PYGL: variants seen among roughly 807,000 people sequenced by gnomAD.
The protein encoded by PYGL is glycogen phosphorylase, liver form.
A neutral mutation model predicts 100.1 loss-of-function variants in PYGL; 90 were observed. The ratio of observed to expected loss-of-function variants is 0.90; its 90% CI spans 0.76 to 1.07. PYGL has a LOEUF of 1.07. PYGL is among the 50% of genes least tolerant of loss of function. The pLI is 0.00. For synonymous variants in PYGL, 373 were observed against 393.0 expected, an observed-to-expected ratio of 0.95 and a Z score of 0.60; for missense variants, 1,016 against 1,057.6, an observed-to-expected ratio of 0.96 and a Z score of 0.55.
chr14:50,939,145 T>C (rs997030209), intron 1 of PYGL, among the ~76,000 whole-genome samples: 3 of 152,172 alleles, frequency 2.0e-5, no homozygotes, highest in African/African-American at 7.2e-5. Context: ...GTTCAAGCAA[T>C]TCTCCTTCAG....
chr14:50,915,081 T>C, intron 11 of PYGL: 2 of 620,824 alleles, frequency 3.2e-6, no homozygotes, highest in South Asian at 2.0e-5. Flanking sequence ...TTCAGTAGAA[T>C]AGTTTTTGGT....
At chr14:50,924,125 A>C in intron 4 of PYGL, 25 bp from the exon 5 acceptor site, 1 of 1,610,818 alleles carries the variant, frequency 6.2e-7, no homozygotes, top group East Asian at 2.2e-5. Context: ...AGTATTGCTT[A>C]GAATTTATTT....
chr14:50,935,602 A>G (rs1021346377), intron 2 of PYGL, among the ~76,000 whole-genome samples: 4 of 152,200 alleles, frequency 2.6e-5, no homozygotes, highest in Non-Finnish European at 4.4e-5. Context: ...GTTAGCTATT[A>G]TCATTAAAAA....
At chr14:50,933,324 C>T (rs1414785429) in intron 3 of PYGL, among the ~76,000 whole-genome samples, 1 of 152,114 alleles carries the variant, frequency 6.6e-6, no homozygotes, top group East Asian at 1.9e-4. Flanking sequence ...GCAAGTATCC[C>T]ACAGGCATTG....
rs1203624502 is a variant in PYGL, at chr14:50,942,188, G to A, written c.243+1973C>T. On this transcript the variant is annotated intron_variant, in intron 1 of 19. Coordinates refer to ENST00000216392, the MANE Select transcript of PYGL (RefSeq NM_002863.5). ...GAGTAGATATTTGATGAACACGTGT[G>A]GAATGAAACATGTTCATTGTTGTAT... 3.2e-5 allele frequency among the ~76,000 whole-genome samples: 3 copies of A among 94,378 alleles called. No individual in the cohort carries two copies. The East Asian group carries it at 2.0e-3, about 64-fold the overall frequency. The allele number at this position is 94,378 out of a possible 152,430, so 61.9% of individuals were successfully genotyped here.
At chr14:50,921,428 C>G (rs959508366) in intron 5 of PYGL, 1 of 216,632 alleles carries the variant, frequency 4.6e-6, no homozygotes, top group Non-Finnish European at 9.4e-6. Flanking sequence ...GAGTCTCACT[C>G]TGTTGCCCAG....
chr14:50,928,672 C>T (rs947128241), intron 4 of PYGL, among the ~76,000 whole-genome samples: 1 of 152,154 alleles, frequency 6.6e-6, no homozygotes, highest in Non-Finnish European at 1.5e-5. Context: ...ACACTCCACG[C>T]CTGCAAATCT....
chr14:50,918,126 A>G (rs1370099542), intron 7 of PYGL, among the ~76,000 whole-genome samples: 1 of 152,210 alleles, frequency 6.6e-6, no homozygotes, highest in Non-Finnish European at 1.5e-5. Context: ...TAAAATCACA[A>G]TGAGATACCA....
chr14:50,908,131 T>C, intron 19 of PYGL, 140 bp downstream of exon 19: 1 of 659,850 alleles, frequency 1.5e-6, no homozygotes, highest in Non-Finnish European at 2.5e-6. Context: ...TGTTTGTTTG[T>C]TTTTGTTGTT....
At position 50,919,930 on chromosome 14, in the gene PYGL, C is replaced by T. The variant is rs150319451; in HGVS notation, c.855+611G>A. The stretch of plus-strand genomic sequence containing the variant: ...AACTTCTGGCCTCAAATGATTTGCC[C>T]GCCTCAGACTCCCAAAGTGCTGGGA... On this transcript the variant is annotated intron_variant, in intron 7 of 19. Coordinates refer to ENST00000216392, the MANE Select transcript of PYGL (RefSeq NM_002863.5). Among the ~76,000 whole-genome samples the T allele has an allele frequency of 2.5e-3, 377 of 151,218 alleles. 1 individual carries two copies. The highest frequency in any genetic ancestry group is 8.5e-3 in the African/African-American group (350 of 41,252).
chr14:50,944,357 A>ATGCTGATCTGCCGCCGC lies in PYGL; in HGVS notation c.30_46dup (p.Ile16SerfsTer19). 2 of 1,613,644 alleles carry ATGCTGATCTGCCGCCGC rather than the reference A, an allele frequency of 1.2e-6. No individual in the cohort carries two copies. The highest frequency in any genetic ancestry group is 1.3e-5 in the African/African-American group (1 of 75,048). On this transcript the variant is annotated frameshift_variant, in exon 1 of 20. Transcript: ENST00000216392. LOFTEE classifies it high-confidence loss of function. ...GTTCTCCACGCCCACGATGCCGCGG[A>ATGCTGATCTGCCGCCGC]TGCTGATCTGCCGCCGCTTCTCCTG...
At chr14:50,929,272 C>T (rs1031798125) in intron 4 of PYGL, among the ~76,000 whole-genome samples, 2 of 152,076 alleles carry the variant, frequency 1.3e-5, no homozygotes, top group Non-Finnish European at 2.9e-5. Flanking sequence ...AGGCTGGTCT[C>T]GAACTCCTGA....
At chr14:50,928,976 C>G (rs2050579608) in intron 4 of PYGL, among the ~76,000 whole-genome samples, 1 of 152,130 alleles carries the variant, frequency 6.6e-6, no homozygotes, top group African/African-American at 2.4e-5. Context: ...GATTCAATTT[C>G]AAGTCATAAT....
intron 19 of PYGL, 159 bp downstream of exon 19, chr14:50,908,112 T>C: frequency 1.7e-6 from 1 of 572,032 alleles, no homozygotes; most frequent in Non-Finnish European, 3.0e-6. Flanking sequence ...TTTTTTTTTT[T>C]GTTGTGGTTG....
chr14:50,942,878 A>G (rs1349166693), intron 1 of PYGL, among the ~76,000 whole-genome samples: 1 of 152,210 alleles, frequency 6.6e-6, no homozygotes, highest in Non-Finnish European at 1.5e-5. Flanking sequence ...AAATATATGT[A>G]TACATAAAGT....
chr14:50,922,560 G>C (rs2050511878), intron 5 of PYGL, among the ~76,000 whole-genome samples: 1 of 152,166 alleles, frequency 6.6e-6, no homozygotes, highest in Non-Finnish European at 1.5e-5. Flanking sequence ...AGCCCAAGAA[G>C]TGCACAGCTT....
At chr14:50,927,082 G>A (rs557949411) in intron 4 of PYGL, among the ~76,000 whole-genome samples, 17 of 152,198 alleles carry the variant, frequency 1.1e-4, no homozygotes, top group African/African-American at 3.1e-4. Context: ...TTTTTTTGCT[G>A]AGAAATGCAG....
Position 50,920,642 on chromosome 14 carries a change from AAC to A in PYGL, c.773-21_773-20del. ...ACATTAACTAGGGGAAAGTTAGAGA[AAC>A]AATAAATAGAGAAACCAGCCATTGT... On this transcript the variant is annotated intron_variant, in intron 6 of 19. Coordinates refer to ENST00000216392, the MANE Select transcript of PYGL (RefSeq NM_002863.5). 1 of 1,583,220 alleles carries A rather than the reference AAC, an allele frequency of 6.3e-7. No individual in the cohort carries two copies. The highest frequency in any genetic ancestry group is 8.7e-7 in the Non-Finnish European group (1 of 1,151,924).
rs979553413 is a variant in PYGL at position 50,914,806 on chromosome 14, G to A, written c.1413C>T (p.Asp471=). ...SDIVKTKVFK[D]FSELEPDKFQ... The stretch of plus-strand genomic sequence containing the variant: ...ACTTGTCAGGTTCTAGCTCACTGAA[G>A]TCCTTGAATCTGGAGATGGAGGAGA... The change falls in exon 12 of 20, where the codon GAC becomes GAT. Residue 471 remains aspartate (D), a synonymous_variant. Transcript: ENST00000216392. 1.2e-6 allele frequency: 2 copies of A among 1,612,970 alleles called. No individual in the cohort carries two copies. Among genetic ancestry groups the A allele is most frequent in the South Asian group, 1.1e-5 (1 of 91,064 alleles).
Sources: allele counts gnomAD v4.1 joint callset (sites outside exome capture counted in the v4.1 genomes callset), GRCh38; gene constraint gnomAD v4.1.1; transcripts MANE v1.5; gene names NCBI Gene and HGNC (gene_info 2026-07-23, HGNC 2026-07-21).